Variants in CACNA2D3 observed in about 807,000 individuals in gnomAD.
CACNA2D3 encodes voltage-dependent calcium channel subunit alpha-2/delta-3.
A neutral mutation model predicts 160.6 loss-of-function variants in CACNA2D3; 60 were observed. The observed-to-expected ratio is 0.37, with a 90% CI of 0.30 to 0.46. CACNA2D3 has a LOEUF of 0.46. CACNA2D3 is among the 20% of genes least tolerant of loss of function. CACNA2D3 has a pLI of 1.00. For missense variants in CACNA2D3, 1,205 were observed against 1,365.0 expected (o/e 0.88, Z 1.85); for synonymous variants, 558 against 492.9 (o/e 1.13, Z -1.75).
chr3:54,461,508 G>A (rs370714676), intron 4 of CACNA2D3, among the ~76,000 whole-genome samples: 1 of 151,280 alleles, frequency 6.6e-6, no homozygotes, highest in Non-Finnish European at 1.5e-5. Flanking sequence ...GTCTTGGGAG[G>A]GTGTACGTGT....
At chr3:54,825,577 G>T (rs1703732374) in intron 14 of CACNA2D3, among the ~76,000 whole-genome samples, 1 of 151,940 alleles carries the variant, frequency 6.6e-6, no homozygotes, top group South Asian at 2.1e-4. Flanking sequence ...AATCAACAAT[G>T]TATGAATCTA....
At chr3:54,382,983 G>A (rs979234026) in intron 3 of CACNA2D3, among the ~76,000 whole-genome samples, 62 of 152,256 alleles carry the variant, frequency 4.1e-4, no homozygotes, top group African/African-American at 1.5e-3. Flanking sequence ...CGCTAGCTGG[G>A]ACTACAGGTG....
At chr3:54,420,265 A>T (rs1197024046) in intron 4 of CACNA2D3, among the ~76,000 whole-genome samples, 1 of 151,748 alleles carries the variant, frequency 6.6e-6, no homozygotes, top group African/African-American at 2.4e-5. Flanking sequence ...TTGTATTTTT[A>T]GTAGAGATGG....
At chr3:54,936,902 A>G (rs1480876420) in intron 27 of CACNA2D3, among the ~76,000 whole-genome samples, 1 of 152,128 alleles carries the variant, frequency 6.6e-6, no homozygotes, top group African/African-American at 2.4e-5. Flanking sequence ...AGGAGAAAAT[A>G]AACTCCGTGT....
At chr3:54,386,050 A>C in intron 3 of CACNA2D3, 1 of 455,368 alleles carries the variant, frequency 2.2e-6, no homozygotes, top group Non-Finnish European at 4.3e-6. Context: ...AGGCATTATG[A>C]AATGGGTTTC....
intron 11 of CACNA2D3, among the ~76,000 whole-genome samples, chr3:54,654,169 T>A (rs1299955555): frequency 6.6e-6 from 1 of 152,000 alleles, no homozygotes; most frequent in Non-Finnish European, 1.5e-5. Context: ...CACATTGGAG[T>A]CACCGAGGGG....
chr3:54,198,614 C>T (rs1701122686), intron 2 of CACNA2D3, among the ~76,000 whole-genome samples: 1 of 152,266 alleles, frequency 6.6e-6, no homozygotes, highest in African/African-American at 2.4e-5. Flanking sequence ...TGCTTTGGCA[C>T]TGAGCCTCGT....
chr3:54,763,758 CACATATATATGTATATATGT>C (rs1337149039), intron 12 of CACNA2D3, among the ~76,000 whole-genome samples: 513 of 28,482 alleles, frequency 0.018, 98 homozygotes, highest in East Asian at 0.067. Context: ...CATATATATA[CACATATATATGTATATATGT>C]ACATATATAT....
At chr3:54,437,584 G>C (rs1207488387) in intron 4 of CACNA2D3, among the ~76,000 whole-genome samples, 1 of 152,178 alleles carries the variant, frequency 6.6e-6, no homozygotes, top group South Asian at 2.1e-4. Flanking sequence ...CAGCCAAGGG[G>C]TGCCGATATT....
intron 14 of CACNA2D3, among the ~76,000 whole-genome samples, chr3:54,820,994 A>G (rs376540114): frequency 2.6e-5 from 4 of 152,162 alleles, no homozygotes; most frequent in East Asian, 3.9e-4. Flanking sequence ...GTGGGCCCGA[A>G]TGTTTAAAGT....
At chr3:54,818,582 ACTT>A (rs1444725334) in intron 14 of CACNA2D3, among the ~76,000 whole-genome samples, 2 of 152,208 alleles carry the variant, frequency 1.3e-5, no homozygotes, top group African/African-American at 4.8e-5. Flanking sequence ...CATTGCATTC[ACTT>A]CTTCTGTCAT....
At chr3:54,909,837 A>G (rs1380116065) in intron 27 of CACNA2D3, among the ~76,000 whole-genome samples, 1 of 152,074 alleles carries the variant, frequency 6.6e-6, no homozygotes. Flanking sequence ...TCAAGGAGAA[A>G]GTGATCAGCG....
At chr3:54,590,571 C>G (rs1202355134) in intron 9 of CACNA2D3, among the ~76,000 whole-genome samples, 1 of 150,952 alleles carries the variant, frequency 6.6e-6, no homozygotes, top group African/African-American at 2.4e-5. Context: ...TTGAAGAATA[C>G]CAGGTAAAGA....
At chr3:54,373,237 T>G (rs967067462) in intron 3 of CACNA2D3, among the ~76,000 whole-genome samples, 5 of 152,218 alleles carry the variant, frequency 3.3e-5, no homozygotes. Context: ...GGCAATAGTC[T>G]TATTTTTCAT....
intron 2 of CACNA2D3, among the ~76,000 whole-genome samples, chr3:54,300,327 A>G (rs1185015572): frequency 6.6e-6 from 1 of 152,216 alleles, no homozygotes. Flanking sequence ...TTGATGTAGG[A>G]AGTGCCACCA....
intron 2 of CACNA2D3, among the ~76,000 whole-genome samples, chr3:54,203,415 A>T (rs1267711542): frequency 6.6e-6 from 1 of 152,190 alleles, no homozygotes; most frequent in Non-Finnish European, 1.5e-5. Flanking sequence ...TGTGTGTTAC[A>T]GGGTGCTCCT....
intron 2 of CACNA2D3, among the ~76,000 whole-genome samples, chr3:54,166,141 T>C (rs916831103): frequency 6.6e-6 from 1 of 152,148 alleles, no homozygotes; most frequent in African/African-American, 2.4e-5. Context: ...TGACTATCCA[T>C]GTCAAGCTGG....
At chr3:55,001,120 C>T (rs990531527) in intron 31 of CACNA2D3, among the ~76,000 whole-genome samples, 1 of 152,188 alleles carries the variant, frequency 6.6e-6, no homozygotes, top group Non-Finnish European at 1.5e-5. Context: ...GAGTTCAGTA[C>T]ACATCAGCTG....
At chr3:54,999,846 A>C (rs1702942236) in intron 31 of CACNA2D3, among the ~76,000 whole-genome samples, 2 of 152,188 alleles carry the variant, frequency 1.3e-5, no homozygotes, top group African/African-American at 4.8e-5. Flanking sequence ...ATGGCTTTAA[A>C]CATGTCTTAA....
Sources: allele counts gnomAD v4.1 joint callset (sites outside exome capture counted in the v4.1 genomes callset), GRCh38; gene constraint gnomAD v4.1.1; transcripts MANE v1.5; gene names NCBI Gene and HGNC (gene_info 2026-07-23, HGNC 2026-07-21).